HS3ST5: variants seen among roughly 807,000 people sequenced by gnomAD.
The protein encoded by HS3ST5 is heparan sulfate-glucosamine 3-sulfotransferase 5, also known as heparan sulfate glucosamine 3-O-sulfotransferase 5.
A neutral mutation model predicts 25.4 loss-of-function variants in HS3ST5; 10 were observed. The ratio of observed to expected loss-of-function variants is 0.39; its 90% CI spans 0.24 to 0.67. The LOEUF is 0.67. HS3ST5 is among the 30% of genes least tolerant of loss of function. The pLI is 0.44. For missense variants in HS3ST5, 324 were observed against 420.7 expected (o/e 0.77, Z 2.01); for synonymous variants, 170 against 162.4 (o/e 1.05, Z -0.36).
chr6:114,309,002 G>A (rs1427108525), intron 1 of HS3ST5, among the ~76,000 whole-genome samples: 2 of 152,112 alleles, frequency 1.3e-5, no homozygotes, highest in African/African-American at 2.4e-5. Flanking sequence ...AACTGATCCC[G>A]TAAGTCATTG....
At chr6:114,253,840 G>A (rs1772777180) in intron 1 of HS3ST5, among the ~76,000 whole-genome samples, 1 of 152,108 alleles carries the variant, frequency 6.6e-6, no homozygotes, top group Admixed American at 6.5e-5. Flanking sequence ...TATTTAAGCA[G>A]ACAACAGGCC....
chr6:114,131,639 T>G (rs1777338252), intron 3 of HS3ST5, among the ~76,000 whole-genome samples: 3 of 152,186 alleles, frequency 2.0e-5, no homozygotes, highest in Non-Finnish European at 4.4e-5. Flanking sequence ...GGAAACTGAA[T>G]TTTGAAACTA....
At chr6:114,255,109 T>C (rs551772739) in intron 1 of HS3ST5, among the ~76,000 whole-genome samples, 1 of 152,342 alleles carries the variant, frequency 6.6e-6, no homozygotes, top group South Asian at 2.1e-4. Flanking sequence ...GCTAGTTACC[T>C]GCTAGATACA....
chr6:114,067,850 A>C (rs1197090789), intron 3 of HS3ST5, among the ~76,000 whole-genome samples: 1 of 152,220 alleles, frequency 6.6e-6, no homozygotes, highest in Non-Finnish European at 1.5e-5. Context: ...ATTGGGAGTC[A>C]AAAGACCTTG....
chr6:114,118,841 G>A (rs1042242175), intron 3 of HS3ST5, among the ~76,000 whole-genome samples: 3 of 152,188 alleles, frequency 2.0e-5, no homozygotes, highest in Non-Finnish European at 2.9e-5. Context: ...AGCTTTAACA[G>A]TTGGTGTGAA....
chr6:114,227,758 G>C (rs1220209252), intron 2 of HS3ST5, among the ~76,000 whole-genome samples: 1 of 152,020 alleles, frequency 6.6e-6, no homozygotes, highest in African/African-American at 2.4e-5. Context: ...ACCAAACCTA[G>C]TAACAACTCA....
Position 114,342,901 on chromosome 6 carries a change from C to T in HS3ST5, c.-1045G>A. 1 of 152,760 alleles carries T rather than the reference C, an allele frequency of 6.5e-6. No homozygotes were observed. Among genetic ancestry groups the T allele is most frequent in the Non-Finnish European group, 1.5e-5 (1 of 68,414 alleles). 9.5% of individuals were successfully genotyped at this position (152,760 alleles called of 1,614,324 possible). The stretch of plus-strand genomic sequence containing the variant: ...CCGCCCGGCCCCCAGAGCGCCCGAG[C>T]CGGCAGCTGCCTCCCGGAGACGTGC... On this transcript the variant is annotated 5_prime_UTR_variant, in exon 1 of 5. Transcript: ENST00000312719.
intron 3 of HS3ST5, among the ~76,000 whole-genome samples, chr6:114,074,787 A>G (rs1157416442): frequency 2.6e-5 from 4 of 152,122 alleles, no homozygotes; most frequent in African/African-American, 7.2e-5. Context: ...AGGAAACTTT[A>G]TAAATATTTA....
At chr6:114,203,888 G>T (rs1396549280) in intron 2 of HS3ST5, among the ~76,000 whole-genome samples, 1 of 152,136 alleles carries the variant, frequency 6.6e-6, no homozygotes. Flanking sequence ...AGTGTGATTG[G>T]ATTTTCTGTG....
At chr6:114,287,452 A>G (rs1261502537) in intron 1 of HS3ST5, among the ~76,000 whole-genome samples, 2 of 151,898 alleles carry the variant, frequency 1.3e-5, no homozygotes, top group African/African-American at 4.8e-5. Flanking sequence ...CATAACCACA[A>G]CTGTACCACA....
intron 3 of HS3ST5, among the ~76,000 whole-genome samples, chr6:114,141,074 T>C (rs1562212931): frequency 6.6e-6 from 1 of 152,204 alleles, no homozygotes; most frequent in African/African-American, 2.4e-5. Context: ...TTATACATAC[T>C]TTAAATATCA....
chr6:114,136,243 C>A (rs1041246467), intron 3 of HS3ST5, among the ~76,000 whole-genome samples: 1 of 152,144 alleles, frequency 6.6e-6, no homozygotes, highest in Admixed American at 6.5e-5. Context: ...ATGGGACGGA[C>A]CCAGTGGGAG....
intron 4 of HS3ST5, 136 bp from the exon 5 acceptor site, chr6:114,058,326 T>G: frequency 1.5e-6 from 1 of 669,144 alleles, no homozygotes; most frequent in Non-Finnish European, 2.5e-6. Flanking sequence ...AATGAACATA[T>G]GTTTGGGAAA....
At chr6:114,321,723 T>C (rs868672264) in intron 1 of HS3ST5, among the ~76,000 whole-genome samples, 1 of 152,142 alleles carries the variant, frequency 6.6e-6, no homozygotes, top group Admixed American at 6.6e-5. Flanking sequence ...TATACAATGT[T>C]CTAGCAAAAT....
At chr6:114,331,474 A>G (rs1349447508) in intron 1 of HS3ST5, among the ~76,000 whole-genome samples, 1 of 152,194 alleles carries the variant, frequency 6.6e-6, no homozygotes, top group African/African-American at 2.4e-5. Flanking sequence ...ATAATATTTA[A>G]TTACTACTTT....
intron 3 of HS3ST5, chr6:114,132,094 G>C (rs2271896): frequency 6.6e-6 from 1 of 151,858 alleles, no homozygotes; most frequent in Non-Finnish European, 1.5e-5. Flanking sequence ...TATCATAGTT[G>C]AGAGGTTCTC....
intron 3 of HS3ST5, among the ~76,000 whole-genome samples, chr6:114,141,995 A>G (rs982526381): frequency 3.4e-5 from 5 of 145,540 alleles, no homozygotes; most frequent in African/African-American, 1.0e-4. Context: ...GTTCCATCTC[A>G]TTTTTTTTTC....
intron 2 of HS3ST5, among the ~76,000 whole-genome samples, chr6:114,171,102 T>C (rs1307157547): frequency 6.6e-6 from 1 of 152,196 alleles, no homozygotes; most frequent in African/African-American, 2.4e-5. Context: ...ATAGGATATA[T>C]ACTTTAACCT....
At chr6:114,106,534 C>A (rs1776001501) in intron 3 of HS3ST5, among the ~76,000 whole-genome samples, 1 of 152,118 alleles carries the variant, frequency 6.6e-6, no homozygotes, top group Admixed American at 6.5e-5. Flanking sequence ...TTAAAAAATA[C>A]ATCTATAACA....
Sources: allele counts gnomAD v4.1 joint callset (sites outside exome capture counted in the v4.1 genomes callset), GRCh38; gene constraint gnomAD v4.1.1; transcripts MANE v1.5; gene names NCBI Gene and HGNC (gene_info 2026-07-23, HGNC 2026-07-21).